MECR: variants seen among roughly 807,000 people sequenced by gnomAD.
MECR encodes mitochondrial trans-2-enoyl-CoA reductase.
A neutral mutation model predicts 49.1 loss-of-function variants in MECR; 37 were observed. That is an observed-to-expected ratio of 0.75 (90% confidence interval 0.58 to 0.99). The LOEUF (loss-of-function observed/expected upper bound fraction) is 0.99. Among genes scored for constraint, MECR ranks in the 50% least tolerant of loss-of-function variants. The pLI is 0.00. For missense variants in MECR, 470 were observed against 479.6 expected (o/e 0.98, Z 0.19); for synonymous variants, 198 against 191.1 (o/e 1.04, Z -0.30).
intron 3 of MECR, among the ~76,000 whole-genome samples, chr1:29,208,504 T>C (rs1574366896): frequency 6.6e-6 from 1 of 152,228 alleles, no homozygotes; most frequent in East Asian, 1.9e-4. Context: ...AAAAATTCTA[T>C]AAGCTTGAAA....
chr1:29,173,076 A>T, the MECR span: 5 of 151,900 alleles, frequency 3.3e-5, no homozygotes, highest in African/African-American at 1.2e-4. Flanking sequence ...TGCTTTCATA[A>T]TATCTAAATG....
the MECR span, among the ~76,000 whole-genome samples, chr1:29,179,621 G>A: frequency 1.3e-5 from 2 of 152,168 alleles, no homozygotes; most frequent in African/African-American, 4.8e-5. Flanking sequence ...GCAGGCACAA[G>A]TCACCATGCC....
intron 1 of MECR, chr1:29,228,731 T>A (rs1165949554): frequency 6.6e-6 from 1 of 152,176 alleles, no homozygotes; most frequent in Non-Finnish European, 1.5e-5. Context: ...TTCCAGCTTC[T>A]CTGGCTCTCC....
At chr1:29,216,392 A>G (rs987518158) in intron 2 of MECR, among the ~76,000 whole-genome samples, 196 bp downstream of exon 2, 8 of 152,224 alleles carry the variant, frequency 5.3e-5, no homozygotes, top group African/African-American at 1.4e-4. Flanking sequence ...TTTACTCCCC[A>G]CTGCAATCTT....
At chr1:29,206,413 A>C (rs1479078055) in intron 4 of MECR, among the ~76,000 whole-genome samples, 1 of 152,240 alleles carries the variant, frequency 6.6e-6, no homozygotes, top group African/African-American at 2.4e-5. Flanking sequence ...CACTAAGTTC[A>C]GCATTTTATT....
chr1:29,174,225 A>C, the MECR span, among the ~76,000 whole-genome samples: 1 of 142,228 alleles, frequency 7.0e-6, no homozygotes, highest in African/African-American at 2.6e-5. Flanking sequence ...AAAAAAAAAT[A>C]GGAGCTCTTA....
chr1:29,174,675 G>GTTTTT, the MECR span, among the ~76,000 whole-genome samples: 1 of 130,702 alleles, frequency 7.7e-6, no homozygotes, highest in East Asian at 2.3e-4. Context: ...CAGGAGATAG[G>GTTTTT]TTTTTTTTTT....
At chr1:29,204,218 A>T (rs1215618860) in intron 4 of MECR, among the ~76,000 whole-genome samples, 5 of 151,934 alleles carry the variant, frequency 3.3e-5, no homozygotes, top group African/African-American at 1.2e-4. Context: ...GACTCCCTCT[A>T]TTAAAAAAAA....
chr1:29,221,489 C>T (rs898471044), intron 1 of MECR, among the ~76,000 whole-genome samples: 2 of 152,182 alleles, frequency 1.3e-5, no homozygotes, highest in African/African-American at 4.8e-5. Flanking sequence ...CAGGAGTAGA[C>T]CAGGCAACAG....
At chr1:29,225,188 C>T (rs981317428) in intron 1 of MECR, among the ~76,000 whole-genome samples, 2 of 152,158 alleles carry the variant, frequency 1.3e-5, no homozygotes, top group African/African-American at 4.8e-5. Context: ...AAGGGTAGTC[C>T]CCTCTGAGCT....
chr1:29,168,012 C>CTTTT, the MECR span, among the ~76,000 whole-genome samples: 183 of 133,306 alleles, frequency 1.4e-3, 1 homozygote, highest in African/African-American at 3.4e-3. Flanking sequence ...GTTCTAATTC[C>CTTTT]TTTTTTTTTT....
At chr1:29,175,535 A>C in the MECR span, among the ~76,000 whole-genome samples, 1 of 150,430 alleles carries the variant, frequency 6.6e-6, no homozygotes, top group Non-Finnish European at 1.5e-5. Flanking sequence ...CTCTACTAAA[A>C]ATACAAAAAA....
intron 3 of MECR, among the ~76,000 whole-genome samples, chr1:29,210,281 G>A (rs987522611): frequency 4.9e-4 from 75 of 152,136 alleles, no homozygotes; most frequent in Non-Finnish European, 7.3e-5. Context: ...CAAAGTGCTG[G>A]GATTATAGGC....
chr1:29,194,262 G>A lies in MECR; in HGVS notation c.965-83C>T. The A allele has an allele frequency of 2.8e-6, 4 of 1,429,092 alleles. No homozygotes were observed. In the South Asian group the frequency reaches 5.5e-5, roughly 19 times the overall value. The allele number at this position is 1,429,092 out of a possible 1,614,324, so 88.5% of individuals were successfully genotyped here. A position where few individuals can be genotyped will look rare whatever the true frequency, so the allele number is the denominator to read the frequency against. On this transcript the variant is annotated intron_variant, in intron 9 of 9. Coordinates refer to ENST00000263702, the MANE Select transcript of MECR (RefSeq NM_016011.5). ...TGGCACGGGGCTGCCCTATGGGCAG[G>A]AGCTGGCACCAAGCTCCAATAAAGC...
intron 7 of MECR, 137 bp from the exon 8 acceptor site, chr1:29,196,395 T>C (rs1674005364): frequency 3.7e-6 from 3 of 805,682 alleles, no homozygotes; most frequent in Non-Finnish European, 3.9e-6. Flanking sequence ...GGTTGAAAAA[T>C]ACAGATTCCA....
chr1:29,228,519 T>C (rs977241657), intron 1 of MECR, among the ~76,000 whole-genome samples: 7 of 151,982 alleles, frequency 4.6e-5, no homozygotes, highest in Non-Finnish European at 8.8e-5. Flanking sequence ...GCCCAGCTAA[T>C]TTTTGTATTT....
chr1:29,194,323 T>A (rs1673447478), intron 9 of MECR, 144 bp from the exon 10 acceptor site: 2 of 900,812 alleles, frequency 2.2e-6, no homozygotes. Flanking sequence ...ATAGGGTGGC[T>A]GTGGAGGCAG....
intron 1 of MECR, chr1:29,221,153 T>C (rs1393454329): frequency 6.6e-6 from 1 of 151,990 alleles, no homozygotes; most frequent in African/African-American, 2.4e-5. Context: ...TGTACCATCA[T>C]CACACCTGTG....
At chr1:29,181,801 G>C in the MECR span, 1 of 1,486,854 alleles carries the variant, frequency 6.7e-7, no homozygotes, top group Non-Finnish European at 9.0e-7. Flanking sequence ...CCCCTTAGGC[G>C]GCGGCGGGCA....
Sources: allele counts gnomAD v4.1 joint callset (sites outside exome capture counted in the v4.1 genomes callset), GRCh38; gene constraint gnomAD v4.1.1; transcripts MANE v1.5; gene names NCBI Gene and HGNC (gene_info 2026-07-23, HGNC 2026-07-21).